USP34: variants seen among roughly 807,000 people sequenced by gnomAD.
The protein encoded by USP34 is ubiquitin carboxyl-terminal hydrolase 34.
Under a neutral mutation model 460.3 loss-of-function variants are expected in USP34, and 70 were observed. The ratio of observed to expected loss-of-function variants is 0.15; its 90% confidence interval spans 0.13 to 0.19. USP34 has a LOEUF of 0.19. Among genes scored for constraint, USP34 ranks in the 10% least tolerant of loss-of-function variants. USP34 has a pLI of 1.00. For missense variants in USP34, 3,985 were observed against 4,236.2 expected (o/e 0.94, Z 1.65); for synonymous variants, 1,647 against 1,405.3 (o/e 1.17, Z -3.85).
chr2:61,253,085 A>G (rs886607688), intron 48 of USP34, among the ~76,000 whole-genome samples: 4 of 152,212 alleles, frequency 2.6e-5, no homozygotes, highest in African/African-American at 9.7e-5. Flanking sequence ...ATAGAACAGT[A>G]TATGATCCTA....
intron 10 of USP34, among the ~76,000 whole-genome samples, chr2:61,353,390 GA>G (rs1692007424): frequency 6.7e-6 from 1 of 148,648 alleles, no homozygotes; most frequent in Non-Finnish European, 1.5e-5. Flanking sequence ...CTTCCTAGAC[GA>G]ATGTTTTTTT....
chr2:61,259,596 G>A, intron 44 of USP34, 115 bp downstream of exon 44: 1 of 799,614 alleles, frequency 1.3e-6, no homozygotes, highest in Non-Finnish European at 2.0e-6. Flanking sequence ...ATGTTGCCCA[G>A]GCTGGTCTCA....
intron 1 of USP34, among the ~76,000 whole-genome samples, chr2:61,436,995 T>A (rs1437486087): frequency 1.3e-5 from 2 of 152,038 alleles, no homozygotes; most frequent in African/African-American, 2.4e-5. Context: ...TTGAAACAAA[T>A]GAAAATGCAA....
At chr2:61,272,046 T>A (rs943350226) in intron 41 of USP34, among the ~76,000 whole-genome samples, 1 of 152,336 alleles carries the variant, frequency 6.6e-6, no homozygotes. Context: ...TATTACCCTC[T>A]GACATTTCTG....
At chr2:61,328,004 T>C (rs1234705833) in intron 20 of USP34, among the ~76,000 whole-genome samples, 1 of 152,210 alleles carries the variant, frequency 6.6e-6, no homozygotes, top group East Asian at 1.9e-4. Flanking sequence ...ATATGTCCTT[T>C]TAAGAACATA....
At chr2:61,280,053 A>G (rs1331728304) in intron 39 of USP34, among the ~76,000 whole-genome samples, 191 bp downstream of exon 39, 2 of 152,224 alleles carry the variant, frequency 1.3e-5, no homozygotes, top group African/African-American at 2.4e-5. Context: ...CGTTTCAACT[A>G]AGGTCTGAGT....
intron 15 of USP34, among the ~76,000 whole-genome samples, chr2:61,344,462 A>ATG (rs1691701593): frequency 3.3e-5 from 5 of 152,206 alleles, no homozygotes; most frequent in African/African-American, 1.2e-4. Context: ...CTAACCAAAC[A>ATG]AACCCAAATT....
chr2:61,461,088 AT>A (rs1234838023), intron 1 of USP34, among the ~76,000 whole-genome samples: 3 of 151,938 alleles, frequency 2.0e-5, no homozygotes, highest in Non-Finnish European at 4.4e-5. Flanking sequence ...CGAGCTTTGA[AT>A]TTTGAAAGAA....
intron 18 of USP34, among the ~76,000 whole-genome samples, chr2:61,337,474 A>G (rs1691458540): frequency 6.6e-6 from 1 of 151,904 alleles, no homozygotes; most frequent in South Asian, 2.1e-4. Context: ...TTATTTAGAG[A>G]CAAGGTCTCA....
chr2:61,259,882 T>C, intron 43 of USP34, 106 bp from the exon 44 acceptor site: 1 of 973,074 alleles, frequency 1.0e-6, no homozygotes, highest in Non-Finnish European at 1.5e-6. Context: ...GTTTTCATTC[T>C]TTTGGCTATA....
rs767288410 is a variant in USP34 at position 61,339,687 on chromosome 2, G to C, written c.2501-6C>G. The C allele has an allele frequency of 2.4e-6, 3 of 1,257,110 alleles. No individual in the cohort carries two copies. Among genetic ancestry groups the C allele is most frequent in the African/African-American group, 1.7e-5 (1 of 60,198 alleles). 77.9% of individuals were successfully genotyped at this position (1,257,110 alleles called of 1,614,324 possible). ...ATGTTTATGAACTACAGGTCCTGAA[G>C]AGAAAAAAAAAAAAAAGACACACTA... On this transcript the variant is annotated splice_polypyrimidine_tract_variant and splice_region_variant and intron_variant, in intron 16 of 79. Coordinates refer to ENST00000398571, the MANE Select transcript of USP34 (RefSeq NM_014709.4).
At chr2:61,284,135 C>G (rs1480295555) in intron 35 of USP34, among the ~76,000 whole-genome samples, 1 of 151,992 alleles carries the variant, frequency 6.6e-6, no homozygotes, top group Non-Finnish European at 1.5e-5. Flanking sequence ...ATTTAATAAA[C>G]AAAATTTGAA....
At chr2:61,195,086 G>T (rs965829681) in intron 75 of USP34, among the ~76,000 whole-genome samples, 1 of 152,040 alleles carries the variant, frequency 6.6e-6, no homozygotes, top group Admixed American at 6.5e-5. Context: ...TGGGTGTGGT[G>T]GCACACACCT....
rs566917716 is a variant in USP34 at position 61,239,519 on chromosome 2, G to A, written c.6777+2041C>T. On this transcript the variant is annotated intron_variant, in intron 53 of 79. Transcript: ENST00000398571. ...TCTAATATCTTTAGGGCAAAAGGCTGTGCACAAAAATGATTCAAATTAATT... is the reference window on the plus strand; with the variant it reads ...TCTAATATCTTTAGGGCAAAAGGCTATGCACAAAAATGATTCAAATTAATT... Among the ~76,000 whole-genome samples the A allele has an allele frequency of 4.6e-5, 7 of 152,242 alleles. No homozygotes were observed. The South Asian group carries it at 6.2e-4, about 14-fold the overall frequency.
intron 2 of USP34, among the ~76,000 whole-genome samples, chr2:61,419,861 T>C (rs1320303774): frequency 6.6e-6 from 1 of 152,198 alleles, no homozygotes; most frequent in African/African-American, 2.4e-5. Context: ...ACTCCTAAAC[T>C]TACTGAAATT....
intron 2 of USP34, chr2:61,416,807 A>C: frequency 4.9e-6 from 2 of 404,472 alleles, no homozygotes; most frequent in Non-Finnish European, 8.4e-6. Context: ...TAACCTCCCT[A>C]ATCTTTTTTT....
chr2:61,369,705 CAAG>C (rs1692553846), intron 10 of USP34, among the ~76,000 whole-genome samples: 1 of 102,224 alleles, frequency 9.8e-6, no homozygotes, highest in Non-Finnish European at 2.0e-5. Context: ...TACAGTTTTA[CAAG>C]AAGATAAAAA....
At chr2:61,432,631 A>G (rs188993197) in intron 1 of USP34, among the ~76,000 whole-genome samples, 228 of 152,286 alleles carry the variant, frequency 1.5e-3, no homozygotes, top group Admixed American at 3.5e-3. Flanking sequence ...TTAAATGCTA[A>G]ATGGTTATTT....
At chr2:61,383,246 G>A in intron 6 of USP34, 23 bp downstream of exon 6, 3 of 1,548,096 alleles carry the variant, frequency 1.9e-6, no homozygotes, top group Non-Finnish European at 2.6e-6. Flanking sequence ...ATAATCGGGG[G>A]TAAAGAAATT....
Sources: allele counts gnomAD v4.1 joint callset (sites outside exome capture counted in the v4.1 genomes callset), GRCh38; gene constraint gnomAD v4.1.1; transcripts MANE v1.5; gene names NCBI Gene and HGNC (gene_info 2026-07-23, HGNC 2026-07-21).